Variants in APTX observed in about 807,000 individuals in gnomAD.
The protein encoded by APTX is aprataxin.
A neutral mutation model predicts 42.3 loss-of-function variants in APTX; 33 were observed. The observed-to-expected ratio is 0.78, with a 90% CI of 0.59 to 1.04. The LOEUF is 1.04. APTX is among the 50% of genes least tolerant of loss of function. APTX has a pLI of 0.00. For missense variants in APTX, 421 were observed against 415.1 expected (o/e 1.01, Z -0.12); for synonymous variants, 130 against 146.7 (o/e 0.89, Z 0.82).
intron 3 of APTX, 86 bp from the exon 4 acceptor site, chr9:32,987,932 A>G: frequency 1.9e-6 from 3 of 1,549,090 alleles, no homozygotes; most frequent in South Asian, 1.1e-5. Flanking sequence ...ACCACTTACT[A>G]TATGCCAAGC....
chr9:33,010,259 G>A (rs547550635), intron 1 of APTX, among the ~76,000 whole-genome samples: 68 of 152,098 alleles, frequency 4.5e-4, no homozygotes, highest in Non-Finnish European at 7.6e-4. Flanking sequence ...GAGCCCACAC[G>A]GATACCCACA....
chr9:33,010,784 G>GA (rs1837486607), intron 1 of APTX, among the ~76,000 whole-genome samples: 1 of 151,892 alleles, frequency 6.6e-6, no homozygotes, highest in Admixed American at 6.6e-5. Flanking sequence ...CAGATCATAA[G>GA]AAAAGAAAGA....
chr9:33,015,258 AGTGTGTACACTGCGTGAT>A (rs1276346025), intron 1 of APTX, among the ~76,000 whole-genome samples: 2 of 152,256 alleles, frequency 1.3e-5, no homozygotes, highest in Admixed American at 6.5e-5. Flanking sequence ...CTATGATGGA[AGTGTGTACACTGCGTGAT>A]GTGGGAACAC....
In APTX at chr9:32,973,464, G is replaced by A. The variant is rs953862107; in HGVS notation, c.*34C>T. On this transcript the variant is annotated 3_prime_UTR_variant, in exon 8 of 8. Transcript: ENST00000379817. ...AGGTGCCAGCAGTTTGCTCCAGTGG[G>A]CCACACCACAGCAGCAGCTCAGGCT... 6.2e-7 allele frequency: 1 copy of A among 1,611,204 alleles called. No homozygotes were observed. The highest frequency in any genetic ancestry group is 1.3e-5 in the African/African-American group (1 of 74,894).
chr9:32,993,853 G>A (rs991613550), intron 1 of APTX, among the ~76,000 whole-genome samples: 23 of 151,942 alleles, frequency 1.5e-4, no homozygotes, highest in African/African-American at 5.3e-4. Context: ...TGAGCAGCTG[G>A]GATTACAGGG....
At chr9:33,004,322 G>GT (rs1159574298), upstream of APTX, among the ~76,000 whole-genome samples, 1 of 152,122 alleles carries the variant, frequency 6.6e-6, no homozygotes, top group Admixed American at 6.5e-5. Context: ...CATATTGGGT[G>GT]TAACTATTAC....
At chr9:32,995,311 GAGGAGGTCAAAATATTAACATAAAC>G (rs1043989655) in intron 1 of APTX, among the ~76,000 whole-genome samples, 2 of 152,186 alleles carry the variant, frequency 1.3e-5, no homozygotes, top group African/African-American at 2.4e-5. Context: ...TAATTTATGG[GAGGAGGTCAAAATATTAACATAAAC>G]AGGAGTTTGG....
chr9:32,987,865 G>A lies in APTX; in HGVS notation c.181-19C>T. 1 of 1,611,878 alleles carries A rather than the reference G, an allele frequency of 6.2e-7. No homozygotes were observed. Among genetic ancestry groups the A allele is most frequent in the Non-Finnish European group, 8.5e-7 (1 of 1,179,572 alleles). ...CTCCTACCTATGGAATAAACAATCA[G>A]AAAATAATTATAATAATAGCAACAG... On this transcript the variant is annotated intron_variant, in intron 3 of 7. Coordinates refer to ENST00000379817, the MANE Select transcript of APTX (RefSeq NM_001195248.2).
Position 32,985,871 on chromosome 9 carries a change from A to T in APTX, c.543+100T>A, listed in dbSNP as rs895655647. 5.3e-6 allele frequency: 6 copies of T among 1,128,114 alleles called. No individual in the cohort carries two copies. The East Asian group carries it at 1.4e-4, about 26-fold the overall frequency. 69.9% of individuals were successfully genotyped at this position (1,128,114 alleles called of 1,614,324 possible). Reference sequence around the variant, plus strand: ...CAGCCCAATAAAATGAATCTCATTCAGAAAGACTGATATCCTTTGATTTCA... The same window carrying T: ...CAGCCCAATAAAATGAATCTCATTCTGAAAGACTGATATCCTTTGATTTCA... On this transcript the variant is annotated intron_variant, in intron 5 of 7. Coordinates refer to ENST00000379817, the MANE Select transcript of APTX (RefSeq NM_001195248.2).
chr9:32,974,553 T>A lies in APTX; in HGVS notation c.779A>T (p.His260Leu), dbSNP rs1324748344. The A allele has an allele frequency of 6.3e-7, 1 of 1,594,610 alleles. No individual in the cohort carries two copies. The highest frequency in any genetic ancestry group is 8.5e-7 in the Non-Finnish European group (1 of 1,171,262). Residue 260 changes from histidine (H) to leucine (L), a missense_variant, in exon 7 of 8, where the codon CAT (histidine) becomes CTT (leucine). Coordinates refer to ENST00000379817, the MANE Select transcript of APTX (RefSeq NM_001195248.2). ...YHAIPSMSHV[H>L]LHVISQDFDS... ...AAAATCCTGGCTGATCACATGAAGA[T>A]GTACATGGCTAGTTGAAAGAAAAAA...
In APTX at chr9:32,974,547, T is replaced by C. The variant is rs1222322187; in HGVS notation, c.785A>G (p.His262Arg). 1 of 1,605,668 alleles carries C rather than the reference T, an allele frequency of 6.2e-7. No individual in the cohort carries two copies. The highest frequency in any genetic ancestry group is 1.7e-5 in the Admixed American group (1 of 59,298). The change falls in exon 7 of 8, where the codon CAT becomes CGT. Residue 262 changes from histidine (H) to arginine (R), a missense_variant. Physicochemically the swap from His to Arg is conservative, Grantham distance 29 (BLOSUM62 0). Coordinates refer to ENST00000379817, the MANE Select transcript of APTX (RefSeq NM_001195248.2). ...AIPSMSHVHL[H>R]VISQDFDSPC... ...AGAATCAAAATCCTGGCTGATCACA[T>C]GAAGATGTACATGGCTAGTTGAAAG... is the stretch of plus-strand genomic sequence containing the variant.
At chr9:32,988,010 G>A (rs1832606725) in intron 3 of APTX, 73 bp downstream of exon 3, 3 of 1,550,448 alleles carry the variant, frequency 1.9e-6, no homozygotes, top group Non-Finnish European at 2.7e-6. Context: ...TTCACTGGCT[G>A]GCACAGACAC....
In APTX at chr9:32,987,555, G is replaced by C. The variant is rs1225402209; in HGVS notation, c.472C>G (p.Pro158Ala). ...SVPLKKGKDAPIKKESLGHWS... is the reference protein window; with the variant it reads ...SVPLKKGKDAAIKKESLGHWS... ...CACACTACCCTCACCTTTTTGATAG[G>C]TGCATCTTTTCCCTTCTTTAGGGGC... Residue 158 changes from proline (P) to alanine (A), a missense_variant, in exon 4 of 8, where the codon CCT (proline) becomes GCT (alanine). By Grantham distance (27) the Pro-to-Ala change is conservative (BLOSUM62 -1). Transcript: ENST00000379817. 6.2e-7 allele frequency: 1 copy of C among 1,613,624 alleles called. No homozygotes were observed. Among genetic ancestry groups the C allele is most frequent in the South Asian group, 1.1e-5 (1 of 91,078 alleles).
upstream of APTX, among the ~76,000 whole-genome samples, chr9:33,003,408 C>A (rs1836866847): frequency 6.6e-6 from 1 of 152,162 alleles, no homozygotes; most frequent in Non-Finnish European, 1.5e-5. Context: ...CGGCCAGGCA[C>A]GGTGGCTCAC....
chr9:33,008,551 ATTT>A (rs34273971), intron 1 of APTX, among the ~76,000 whole-genome samples: 5 of 135,068 alleles, frequency 3.7e-5, no homozygotes, highest in Admixed American at 7.5e-5. Flanking sequence ...TCTGATTAAG[ATTT>A]TTTTTTTTTT....
intron 1 of APTX, among the ~76,000 whole-genome samples, chr9:33,014,839 A>G (rs1347633928): frequency 6.6e-6 from 1 of 152,230 alleles, no homozygotes; most frequent in Admixed American, 6.5e-5. Flanking sequence ...GATACTGTCA[A>G]GGACACTGCT....
intron 1 of APTX, among the ~76,000 whole-genome samples, chr9:32,994,223 G>A (rs1393058657): frequency 1.3e-5 from 2 of 152,130 alleles, no homozygotes; most frequent in Non-Finnish European, 2.9e-5. Context: ...CGTGACAATC[G>A]AGCATCTAAA....
chr9:32,977,429 A>T (rs770249154), intron 6 of APTX, among the ~76,000 whole-genome samples: 1 of 152,200 alleles, frequency 6.6e-6, no homozygotes, highest in Non-Finnish European at 1.5e-5. Context: ...GGCCGCAGTG[A>T]GCTATGATCT....
At chr9:32,977,065 A>G (rs1262292672) in intron 6 of APTX, among the ~76,000 whole-genome samples, 1 of 152,248 alleles carries the variant, frequency 6.6e-6, no homozygotes, top group Non-Finnish European at 1.5e-5. Flanking sequence ...ATTTCCATTT[A>G]TGTATTAACA....
Sources: allele counts gnomAD v4.1 joint callset (sites outside exome capture counted in the v4.1 genomes callset), GRCh38; gene constraint gnomAD v4.1.1; transcripts MANE v1.5; gene names NCBI Gene and HGNC (gene_info 2026-07-23, HGNC 2026-07-21).